Variants in RFWD3 observed in about 807,000 individuals in gnomAD.
RFWD3 encodes E3 ubiquitin-protein ligase RFWD3.
A neutral mutation model predicts 87.7 loss-of-function variants in RFWD3; 65 were observed. The observed-to-expected ratio is 0.74, with a 90% confidence interval of 0.61 to 0.91. The LOEUF is 0.91. RFWD3 is among the 40% of genes least tolerant of loss of function. The pLI is 0.00. For synonymous variants in RFWD3, 433 were observed against 352.8 expected, an observed-to-expected ratio of 1.23 and a Z score of -2.55; for missense variants, 1,078 against 938.5, an observed-to-expected ratio of 1.15 and a Z score of -1.94.
At chr16:74,626,861 C>T (rs918522208) in intron 11 of RFWD3, among the ~76,000 whole-genome samples, 1 of 152,186 alleles carries the variant, frequency 6.6e-6, no homozygotes, top group Admixed American at 6.5e-5. Context: ...TCCTGCCAGA[C>T]CTCTGCTAGG....
At chr16:74,632,918 C>A (rs1038319161) in intron 8 of RFWD3, among the ~76,000 whole-genome samples, 2 of 152,190 alleles carry the variant, frequency 1.3e-5, no homozygotes, top group African/African-American at 4.8e-5. Context: ...CTGCTCGCCT[C>A]AGCCTCCCAA....
chr16:74,638,013 A>T (rs76497052), intron 6 of RFWD3, 43 bp from the exon 7 acceptor site: 47 of 1,346,696 alleles, frequency 3.5e-5, no homozygotes, highest in Non-Finnish European at 4.6e-5. Context: ...TAGGAAGGCT[A>T]CAGAAGACTT....
At chr16:74,630,154 G>A (rs1248399699) in intron 10 of RFWD3, among the ~76,000 whole-genome samples, 1 of 151,966 alleles carries the variant, frequency 6.6e-6, no homozygotes, top group South Asian at 2.1e-4. Flanking sequence ...GGAGTGCAAC[G>A]GCGCAATCTC....
At chr16:74,638,244 G>C (rs144075094) in intron 6 of RFWD3, among the ~76,000 whole-genome samples, 1 of 152,196 alleles carries the variant, frequency 6.6e-6, no homozygotes, top group East Asian at 1.9e-4. Flanking sequence ...GTTCAGCTAC[G>C]GCAAATTGTA....
At chr16:74,638,252 G>T (rs947065853) in intron 6 of RFWD3, among the ~76,000 whole-genome samples, 4 of 152,116 alleles carry the variant, frequency 2.6e-5, no homozygotes, top group African/African-American at 9.7e-5. Flanking sequence ...ACGGCAAATT[G>T]TAAAAGATTA....
At position 74,623,989 on chromosome 16, in the gene RFWD3, T is replaced by C. The variant is rs2143995277; in HGVS notation, c.2264A>G (p.Asn755Ser). ...TAAGGTAGCCAAGTAGCTGTTACGG[T>C]TCACCTCAAATGGGCAGATGTCCAA... ...PVLDICPFEV[N>S]RNSYLATLTE... is the part of the protein sequence containing the mutation. The change falls in exon 13 of 13, where the codon AAC becomes AGC. Residue 755 changes from asparagine to serine, a missense_variant. Physicochemically the swap from Asn to Ser is conservative, Grantham distance 46 (BLOSUM62 1). Coordinates refer to ENST00000361070, the MANE Select transcript of RFWD3 (RefSeq NM_018124.4). The C allele has an allele frequency of 6.2e-7, 1 of 1,614,092 alleles. No homozygotes were observed.
At chr16:74,632,696 A>G in intron 8 of RFWD3, 23 bp from the exon 9 acceptor site, 2 of 1,611,804 alleles carry the variant, frequency 1.2e-6, no homozygotes, top group African/African-American at 1.3e-5. Context: ...AAATAGTATG[A>G]AATAGATCAC....
At chr16:74,656,603 A>C (rs969833972) in intron 2 of RFWD3, among the ~76,000 whole-genome samples, 1 of 152,042 alleles carries the variant, frequency 6.6e-6, no homozygotes, top group Non-Finnish European at 1.5e-5. Context: ...GACTACAGGC[A>C]TGCACACCAT....
intron 1 of RFWD3, among the ~76,000 whole-genome samples, chr16:74,665,693 G>A (rs955854462): frequency 6.6e-6 from 1 of 152,198 alleles, no homozygotes; most frequent in East Asian, 1.9e-4. Context: ...CCGGGAGTTC[G>A]AGACTGCAGT....
At position 74,644,535 on chromosome 16, in the gene RFWD3, C is replaced by T. The variant is rs1412493632; in HGVS notation, c.987+6G>A. The stretch of plus-strand genomic sequence containing the variant: ...ATGTTAATGTGTCCTTACCTATGGT[C>T]CTTACCTGGGGACATTTTCGTACTT... On this transcript the variant is annotated splice_donor_region_variant and intron_variant, in intron 5 of 12. Transcript: ENST00000361070. The T allele has an allele frequency of 1.2e-6, 2 of 1,614,144 alleles. No homozygotes were observed. The highest frequency in any genetic ancestry group is 3.3e-5 in the Admixed American group (2 of 60,006).
intron 11 of RFWD3, among the ~76,000 whole-genome samples, chr16:74,626,913 TCCCCCAGTGAGAACCTCATTAGC>T (rs972837891): frequency 1.4e-4 from 21 of 152,132 alleles, no homozygotes; most frequent in African/African-American, 5.1e-4. Flanking sequence ...GTTTTTCCCT[TCCCCCAGTGAGAACCTCATTAGC>T]CCCTGGGACT....
intron 2 of RFWD3, among the ~76,000 whole-genome samples, chr16:74,656,000 T>C (rs1371915034): frequency 6.6e-6 from 1 of 152,206 alleles, no homozygotes; most frequent in Admixed American, 6.5e-5. Context: ...CTGAAGGTGA[T>C]TAATGTTATT....
intron 8 of RFWD3, 134 bp downstream of exon 8, chr16:74,636,212 G>T (rs1209987156): frequency 2.1e-5 from 15 of 726,232 alleles, no homozygotes; most frequent in Non-Finnish European, 2.1e-5. Context: ...GCACCCTGGG[G>T]TACTTGCATT....
At chr16:74,646,047 C>T (rs1439535973) in intron 4 of RFWD3, among the ~76,000 whole-genome samples, 1 of 152,086 alleles carries the variant, frequency 6.6e-6, no homozygotes, top group East Asian at 1.9e-4. Flanking sequence ...CATGCCCAGC[C>T]AGTCACAAAT....
At chr16:74,635,729 G>C (rs1300910341) in intron 8 of RFWD3, among the ~76,000 whole-genome samples, 1 of 152,186 alleles carries the variant, frequency 6.6e-6, no homozygotes, top group Non-Finnish European at 1.5e-5. Context: ...CTAAAGCAAA[G>C]GGGTCTTGCA....
chr16:74,635,199 C>T (rs980116813), intron 8 of RFWD3, among the ~76,000 whole-genome samples: 1 of 151,914 alleles, frequency 6.6e-6, no homozygotes, highest in Admixed American at 6.6e-5. Context: ...ATGGCATGAA[C>T]CCGAGAGGTG....
intron 11 of RFWD3, among the ~76,000 whole-genome samples, chr16:74,627,772 A>C (rs1414685173): frequency 2.0e-5 from 3 of 152,212 alleles, no homozygotes; most frequent in East Asian, 1.9e-4. Flanking sequence ...TGTGAAAGGC[A>C]AACTATGAAC....
chr16:74,665,347 G>A (rs1961795243), intron 1 of RFWD3: 1 of 152,340 alleles, frequency 6.6e-6, no homozygotes, highest in African/African-American at 2.4e-5. Context: ...AGCACTTTGG[G>A]AAGCCGAGGG....
At chr16:74,641,737 A>T (rs1477435085) in intron 6 of RFWD3, among the ~76,000 whole-genome samples, 1 of 151,830 alleles carries the variant, frequency 6.6e-6, no homozygotes, top group Non-Finnish European at 1.5e-5. Flanking sequence ...AGCCTGGCCA[A>T]CACGGTGAAA....
Sources: allele counts gnomAD v4.1 joint callset (sites outside exome capture counted in the v4.1 genomes callset), GRCh38; gene constraint gnomAD v4.1.1; transcripts MANE v1.5; gene names NCBI Gene and HGNC (gene_info 2026-07-23, HGNC 2026-07-21).